The following ZCWPW2 variants were observed in gnomAD, a reference collection of about 807,000 sequenced individuals.
ZCWPW2 encodes zinc finger CW-type and PWWP domain containing 2, also known as zinc finger CW-type PWWP domain protein 2.
A neutral mutation model predicts 46.6 loss-of-function variants in ZCWPW2; 45 were observed. That is an observed-to-expected ratio of 0.96 (90% CI 0.76 to 1.24). The LOEUF (loss-of-function observed/expected upper bound fraction) is 1.24. Among genes scored for constraint, ZCWPW2 ranks in the 50% most tolerant of loss-of-function variants. ZCWPW2 has a pLI of 0.00. For synonymous variants in ZCWPW2, 152 were observed against 137.1 expected, an observed-to-expected ratio of 1.11 and a Z score of -0.76; for missense variants, 429 against 403.9, an observed-to-expected ratio of 1.06 and a Z score of -0.53.
At chr3:28,457,857 T>C (rs948151870) in intron 4 of ZCWPW2, among the ~76,000 whole-genome samples, 4 of 152,240 alleles carry the variant, frequency 2.6e-5, no homozygotes, top group African/African-American at 9.6e-5. Context: ...TTTTATTCTT[T>C]TTAAAAATTG....
intron 4 of ZCWPW2, among the ~76,000 whole-genome samples, chr3:28,464,994 A>G (rs1034820002): frequency 3.3e-5 from 5 of 152,236 alleles, no homozygotes. Flanking sequence ...GAGAATAATT[A>G]TTTGTTAAAT....
At chr3:28,448,140 A>G (rs1698069223) in intron 4 of ZCWPW2, 1 of 187,812 alleles carries the variant, frequency 5.3e-6, no homozygotes, top group African/African-American at 2.3e-5. Flanking sequence ...TCAAAATTGG[A>G]CAGAAAGAAG....
At chr3:28,399,953 A>G (rs989837254) in intron 2 of ZCWPW2, among the ~76,000 whole-genome samples, 1 of 152,188 alleles carries the variant, frequency 6.6e-6, no homozygotes, top group African/African-American at 2.4e-5. Context: ...CCTGAAAAAG[A>G]ATACAGGAGG....
At chr3:28,357,797 T>TTATATATATATATATATATA (rs3068920) in intron 1 of ZCWPW2, among the ~76,000 whole-genome samples, 47 of 140,398 alleles carry the variant, frequency 3.3e-4, no homozygotes, top group African/African-American at 1.1e-3. Context: ...TTGGTATATT[T>TTATATATATATATATATATA]TATATATATA....
intron 1 of ZCWPW2, among the ~76,000 whole-genome samples, chr3:28,373,292 C>G (rs1373535583): frequency 6.6e-6 from 1 of 152,122 alleles, no homozygotes; most frequent in Non-Finnish European, 1.5e-5. Flanking sequence ...GAGGGTTCCC[C>G]TTTCTCCACA....
intron 2 of ZCWPW2, among the ~76,000 whole-genome samples, chr3:28,412,775 A>G (rs1257223687): frequency 6.6e-6 from 1 of 152,038 alleles, no homozygotes; most frequent in Non-Finnish European, 1.5e-5. Flanking sequence ...ATATTAGGTT[A>G]ATAGAAATTA....
At chr3:28,492,332 C>T (rs1265106417) in intron 6 of ZCWPW2, among the ~76,000 whole-genome samples, 159 bp downstream of exon 6, 1 of 151,928 alleles carries the variant, frequency 6.6e-6, no homozygotes, top group Non-Finnish European at 1.5e-5. Flanking sequence ...TAGGTTAATA[C>T]TAGGAAATTA....
At chr3:28,448,829 A>T (rs1444197578) in intron 4 of ZCWPW2, among the ~76,000 whole-genome samples, 1 of 140,244 alleles carries the variant, frequency 7.1e-6, no homozygotes, top group African/African-American at 2.8e-5. Context: ...AAAAAAAAAA[A>T]AAAAAAGGCA....
chr3:28,389,385 C>T (rs1695399812), intron 1 of ZCWPW2, among the ~76,000 whole-genome samples: 1 of 152,120 alleles, frequency 6.6e-6, no homozygotes, highest in Non-Finnish European at 1.5e-5. Flanking sequence ...CATCCAATCT[C>T]ATTATACTCA....
intron 2 of ZCWPW2, among the ~76,000 whole-genome samples, chr3:28,409,693 G>A (rs1039299336): frequency 6.6e-6 from 1 of 152,060 alleles, no homozygotes; most frequent in African/African-American, 2.4e-5. Context: ...TGTATTAAGA[G>A]TAGTATTAAG....
intron 1 of ZCWPW2, among the ~76,000 whole-genome samples, chr3:28,356,146 A>G (rs1402575367): frequency 6.6e-6 from 1 of 152,228 alleles, no homozygotes; most frequent in Admixed American, 6.5e-5. Flanking sequence ...AACTTAAACA[A>G]ATTTACAAGA....
At chr3:28,507,485 A>G (rs555829095) in intron 6 of ZCWPW2, among the ~76,000 whole-genome samples, 15 of 151,762 alleles carry the variant, frequency 9.9e-5, no homozygotes, top group African/African-American at 3.6e-4. Context: ...TAGACTTATC[A>G]ATATTCTTTT....
intron 2 of ZCWPW2, among the ~76,000 whole-genome samples, chr3:28,398,975 C>T (rs551861761): frequency 4.8e-4 from 73 of 152,200 alleles, no homozygotes; most frequent in Admixed American, 9.2e-4. Context: ...AGTGTGCAGA[C>T]TCTACAGGCG....
At chr3:28,352,093 C>T (rs2125684550) in intron 1 of ZCWPW2, among the ~76,000 whole-genome samples, 1 of 151,210 alleles carries the variant, frequency 6.6e-6, no homozygotes, top group East Asian at 2.0e-4. Flanking sequence ...CCTTTGTCTC[C>T]TTACCCCTCC....
chr3:28,402,694 A>T (rs1695996958), intron 2 of ZCWPW2, among the ~76,000 whole-genome samples: 1 of 152,236 alleles, frequency 6.6e-6, no homozygotes, highest in South Asian at 2.1e-4. Flanking sequence ...ATATTAAAAA[A>T]TAATCTGCCA....
chr3:28,521,499 G>T (rs1700723181), intron 9 of ZCWPW2, among the ~76,000 whole-genome samples: 1 of 152,122 alleles, frequency 6.6e-6, no homozygotes, highest in Non-Finnish European at 1.5e-5. Flanking sequence ...TGCCCCGTCT[G>T]GATTATGTAC....
intron 2 of ZCWPW2, among the ~76,000 whole-genome samples, chr3:28,392,204 A>G (rs1695518230): frequency 6.6e-6 from 1 of 152,196 alleles, no homozygotes; most frequent in Non-Finnish European, 1.5e-5. Flanking sequence ...TTAAGTCAAA[A>G]ACTGTAAGAT....
At chr3:28,368,779 G>A (rs933420773) in intron 1 of ZCWPW2, among the ~76,000 whole-genome samples, 1 of 152,152 alleles carries the variant, frequency 6.6e-6, no homozygotes, top group African/African-American at 2.4e-5. Flanking sequence ...CATTCTCCTT[G>A]TCACTTTCAG....
chr3:28,357,355 G>A (rs1704776378), intron 1 of ZCWPW2, among the ~76,000 whole-genome samples: 1 of 152,182 alleles, frequency 6.6e-6, no homozygotes, highest in Admixed American at 6.5e-5. Flanking sequence ...TTTTTGATTT[G>A]GTGTGATGGT....
Sources: allele counts gnomAD v4.1 joint callset (sites outside exome capture counted in the v4.1 genomes callset), GRCh38; gene constraint gnomAD v4.1.1; transcripts MANE v1.5; gene names NCBI Gene and HGNC (gene_info 2026-07-23, HGNC 2026-07-21).